MCCC1: variants seen among roughly 807,000 people sequenced by gnomAD.
MCCC1 encodes the protein methylcrotonyl-CoA carboxylase subunit 1.
MCCC1 carries 64 observed loss-of-function variants against 83.8 expected under a neutral mutation model. The observed-to-expected ratio is 0.76, with a 90% CI of 0.62 to 0.94. The LOEUF (loss-of-function observed/expected upper bound fraction) is 0.94. MCCC1 is among the 40% of genes least tolerant of loss of function. MCCC1 has a pLI of 0.00. For synonymous variants in MCCC1, 322 were observed against 315.4 expected (o/e 1.02, Z -0.22); for missense variants, 807 against 904.7 (o/e 0.89, Z 1.39).
chr3:183,112,030 T>G (rs73178991), intron 1 of MCCC1, among the ~76,000 whole-genome samples: 1,753 of 151,942 alleles, frequency 0.012, 13 homozygotes, highest in South Asian at 0.022. Context: ...GTGCTCTGAG[T>G]CTCTCTGGTC....
chr3:183,113,255 T>A (rs922740423), intron 1 of MCCC1, among the ~76,000 whole-genome samples: 1 of 148,692 alleles, frequency 6.7e-6, no homozygotes, highest in African/African-American at 2.5e-5. Context: ...CTGGGCTTAG[T>A]GGTGGGAGCC....
intron 1 of MCCC1, among the ~76,000 whole-genome samples, chr3:183,097,191 G>A (rs1280174945): frequency 6.6e-6 from 1 of 151,992 alleles, no homozygotes; most frequent in East Asian, 1.9e-4. Context: ...AGTGAGCCGA[G>A]ATTGCGCCAC....
At chr3:183,082,643 C>A (rs1178132558) in intron 4 of MCCC1, among the ~76,000 whole-genome samples, 13 of 152,168 alleles carry the variant, frequency 8.5e-5, no homozygotes, top group Non-Finnish European at 1.8e-4. Context: ...TAACTACAAC[C>A]TCTTTCCCAA....
At chr3:183,045,723 G>A (rs1025684755) in intron 9 of MCCC1, among the ~76,000 whole-genome samples, 183 bp from the exon 10 acceptor site, 4 of 152,172 alleles carry the variant, frequency 2.6e-5, no homozygotes, top group African/African-American at 9.7e-5. Flanking sequence ...ATAGAGAGCT[G>A]CATGAAATTT....
chr3:183,092,062 G>GA (rs1018704899), intron 3 of MCCC1, among the ~76,000 whole-genome samples: 11 of 149,348 alleles, frequency 7.4e-5, no homozygotes, highest in African/African-American at 2.0e-4. Context: ...AAAAAAAAAA[G>GA]AAAAAAAAAG....
intron 7 of MCCC1, among the ~76,000 whole-genome samples, chr3:183,057,769 G>A (rs977174410): frequency 2.6e-5 from 4 of 152,164 alleles, no homozygotes; most frequent in African/African-American, 9.7e-5. Flanking sequence ...CTACTCAGGA[G>A]GCTGAGGTAG....
chr3:183,056,031 G>A lies in MCCC1; in HGVS notation c.873+1280C>T, dbSNP rs1006711617. On this transcript the variant is annotated intron_variant, in intron 8 of 18. Transcript: ENST00000265594. ...ATAATGGGAAACCTTGAGATTCCAA[G>A]TTAATAAGAAAGGTACATTAAAATA... 2.6e-4 allele frequency among the ~76,000 whole-genome samples: 40 copies of A among 152,134 alleles called. 1 individual carries two copies. Among genetic ancestry groups the A allele is most frequent in the African/African-American group, 9.7e-4 (40 of 41,432 alleles).
In MCCC1 at chr3:183,022,469, G is replaced by C; in HGVS notation, c.1817C>G (p.Ala606Gly). 1 of 1,614,028 alleles carries C rather than the reference G, an allele frequency of 6.2e-7. No homozygotes were observed. The highest frequency in any genetic ancestry group is 8.5e-7 in the Non-Finnish European group (1 of 1,179,966). ...TYLKCSVNGV[A>G]SKAKLIILEN... is the part of the protein sequence containing the mutation. The stretch of plus-strand genomic sequence containing the variant: ...CAGGATAATCAGCTTCGCTTTACTA[G>C]CAACTCCATTAACAGAACATTTCAG... The change falls in exon 16 of 19, where the codon GCT becomes GGT. Residue 606 changes from alanine (A) to glycine (G), a missense_variant. Physicochemically the swap from Ala to Gly is moderately conservative, Grantham distance 60. Transcript: ENST00000265594.
intron 1 of MCCC1, among the ~76,000 whole-genome samples, chr3:183,105,026 A>AC (rs1413815731): frequency 1.3e-5 from 2 of 152,244 alleles, no homozygotes; most frequent in African/African-American, 4.8e-5. Flanking sequence ...GGAAATAGCA[A>AC]ACTGATTAAA....
rs1294623252 is a variant in MCCC1, at chr3:183,086,722, T to A, written c.340A>T (p.Ile114Phe). Residue 114 changes from isoleucine (I) to phenylalanine (F), a missense_variant, in exon 4 of 19, where the codon ATT (isoleucine) becomes TTT (phenylalanine). Ile to Phe is a conservative substitution (Grantham distance 21). Transcript: ENST00000265594. ...QQSYLSMEKI[I>F]QVAKTSAAQA... is the part of the protein sequence containing the mutation. ...GCAGCAGAGGTCTTGGCCACTTGAA[T>A]GATTTTCTCCATAGATAGGTAGCTC... 1.2e-6 allele frequency: 2 copies of A among 1,614,216 alleles called. No individual in the cohort carries two copies. The highest frequency in any genetic ancestry group is 1.7e-6 in the Non-Finnish European group (2 of 1,180,034).
intron 4 of MCCC1, among the ~76,000 whole-genome samples, chr3:183,076,149 GT>G (rs376968075): frequency 7.0e-4 from 107 of 152,236 alleles, no homozygotes; most frequent in African/African-American, 2.5e-3. Context: ...CTACAATCCA[GT>G]TTGAGAACAC....
chr3:183,106,262 C>T (rs879509554), intron 1 of MCCC1, among the ~76,000 whole-genome samples: 1 of 151,916 alleles, frequency 6.6e-6, no homozygotes, highest in African/African-American at 2.4e-5. Context: ...TTACATAATA[C>T]TCCTCATGTT....
rs574821228 is a variant in MCCC1, at chr3:183,044,447, T to C, written c.1083+966A>G. 3.3e-5 allele frequency among the ~76,000 whole-genome samples: 5 copies of C among 152,332 alleles called. No homozygotes were observed. The East Asian group carries it at 7.7e-4, about 23-fold the overall frequency. On this transcript the variant is annotated intron_variant, in intron 10 of 18. Coordinates refer to ENST00000265594, the MANE Select transcript of MCCC1 (RefSeq NM_020166.5). ...GCATGTCATAGCAATGCCAAAATGCTTTAAAAGTTTCCAAACATTTACTCT... is the reference window on the plus strand; with the variant it reads ...GCATGTCATAGCAATGCCAAAATGCCTTAAAAGTTTCCAAACATTTACTCT...
intron 1 of MCCC1, among the ~76,000 whole-genome samples, chr3:183,108,597 G>A (rs1211644878): frequency 6.6e-6 from 1 of 152,182 alleles, no homozygotes; most frequent in African/African-American, 2.4e-5. Context: ...AAACAGACAT[G>A]ACTTTAACAA....
intron 4 of MCCC1, among the ~76,000 whole-genome samples, chr3:183,079,678 T>C (rs930937580): frequency 1.3e-5 from 2 of 152,178 alleles, no homozygotes; most frequent in African/African-American, 4.8e-5. Context: ...ACAGCTCCAC[T>C]AGGCAGTACC....
At chr3:183,072,774 C>T (rs1352867235) in intron 4 of MCCC1, among the ~76,000 whole-genome samples, 1 of 152,180 alleles carries the variant, frequency 6.6e-6, no homozygotes, top group Non-Finnish European at 1.5e-5. Flanking sequence ...GCATTAAGTA[C>T]ACTCACAATG....
At chr3:183,087,221 T>G (rs1294532543) in intron 3 of MCCC1, among the ~76,000 whole-genome samples, 1 of 152,206 alleles carries the variant, frequency 6.6e-6, no homozygotes, top group Non-Finnish European at 1.5e-5. Flanking sequence ...TATCAGAGTA[T>G]GATAATGCTT....
chr3:183,063,927 C>CCT (rs1248422389), intron 7 of MCCC1, among the ~76,000 whole-genome samples: 2 of 152,084 alleles, frequency 1.3e-5, no homozygotes, highest in East Asian at 3.9e-4. Flanking sequence ...GGGTTACAGG[C>CCT]CCAACTTGGT....
intron 7 of MCCC1, among the ~76,000 whole-genome samples, chr3:183,060,692 T>A (rs1715759704): frequency 6.6e-6 from 1 of 152,200 alleles, no homozygotes; most frequent in Admixed American, 6.5e-5. Context: ...GTCATTTACA[T>A]TAGGTATATC....
Sources: gnomAD v4.1 joint callset for allele counts (sites outside exome capture counted in the v4.1 genomes callset) on GRCh38, gnomAD v4.1.1 for gene constraint, MANE v1.5 for transcripts, NCBI Gene and HGNC (gene_info 2026-07-23, HGNC 2026-07-21) for gene names.